Variants in FAAP20 observed in about 807,000 individuals in gnomAD.
The protein encoded by FAAP20 is FA core complex associated protein 20.
FAAP20 carries 12 observed loss-of-function variants against 16.2 expected under a neutral mutation model. That is an observed-to-expected ratio of 0.74 (90% confidence interval 0.48 to 1.20). The LOEUF (loss-of-function observed/expected upper bound fraction) is 1.20, where lower values mean the gene tolerates loss of function less well. Ranked by LOEUF, FAAP20 falls within the 50% of genes most tolerant of loss-of-function variation. The pLI is 0.00. For synonymous variants in FAAP20, 141 were observed against 110.7 expected (o/e 1.27, Z -1.72); for missense variants, 288 against 245.8 (o/e 1.17, Z -1.15).
At chr1:2,212,672 G>T, upstream of FAAP20, 2 of 287,966 alleles carry the variant, frequency 6.9e-6, no homozygotes, top group Non-Finnish European at 1.4e-5. Context: ...ACCCAAAAGG[G>T]TGTAAGTTCC....
upstream of FAAP20, chr1:2,201,175 C>G (rs1689033256): frequency 7.9e-7 from 1 of 1,261,290 alleles, no homozygotes; most frequent in Admixed American, 2.4e-5. Context: ...ACGTGCAGAC[C>G]TTCACAGAGG....
chr1:2,193,046 T>C (rs1273274534), intron 3 of FAAP20: 6 of 1,282,948 alleles, frequency 4.7e-6, no homozygotes, highest in Non-Finnish European at 6.2e-6. Context: ...TGCCGCCCAT[T>C]AACTCAACCA....
downstream of FAAP20, chr1:2,185,442 C>G (rs1687444289): frequency 1.4e-6 from 1 of 718,614 alleles, no homozygotes; most frequent in African/African-American, 1.7e-5. Context: ...CCCCACATCT[C>G]AGACGCAACC....
chr1:2,188,960 G>C (rs1279375423), downstream of FAAP20, among the ~76,000 whole-genome samples: 2 of 148,246 alleles, frequency 1.3e-5, no homozygotes, highest in Non-Finnish European at 3.0e-5. Flanking sequence ...AGCCGAAATC[G>C]CGCCACTGCA....
At chr1:2,187,055 A>G (rs992163209), downstream of FAAP20, 13 of 371,902 alleles carry the variant, frequency 3.5e-5, no homozygotes, top group Admixed American at 4.9e-4. Context: ...GTGGTTCTCG[A>G]AAACTCTGGT....
upstream of FAAP20, chr1:2,198,874 TGTG>T (rs1471443897): frequency 7.8e-7 from 1 of 1,289,722 alleles, no homozygotes; most frequent in Admixed American, 2.3e-5. Flanking sequence ...CATAGCCAGA[TGTG>T]GTGGCATTTA....
chr1:2,203,363 C>A, upstream of FAAP20: 3 of 958,808 alleles, frequency 3.1e-6, no homozygotes, highest in Non-Finnish European at 3.7e-6. Context: ...CACCCCTCCG[C>A]AGTCAGGGCC....
upstream of FAAP20, among the ~76,000 whole-genome samples, chr1:2,202,826 C>T (rs1479759599): frequency 1.3e-5 from 2 of 152,152 alleles, no homozygotes; most frequent in Non-Finnish European, 2.9e-5. Flanking sequence ...ATTGTCCAGG[C>T]TGGTCTCGTC....
chr1:2,190,720 A>T, intron 3 of FAAP20: 1 of 319,304 alleles, frequency 3.1e-6, no homozygotes, highest in East Asian at 7.9e-5. Flanking sequence ...TCAGTGTCCC[A>T]TCAGAGTGAC....
chr1:2,190,702 C>G, intron 3 of FAAP20: 1 of 327,066 alleles, frequency 3.1e-6, no homozygotes, highest in South Asian at 2.4e-5. Context: ...TTGCTGGAGG[C>G]CAAGTGGTCA....
downstream of FAAP20, among the ~76,000 whole-genome samples, chr1:2,189,206 G>C (rs1293442035): frequency 6.6e-6 from 1 of 151,344 alleles, no homozygotes; most frequent in African/African-American, 2.4e-5. Context: ...GGTGACGCGC[G>C]CCTGTAGTCC....
intron 3 of FAAP20, chr1:2,193,182 T>C (rs761130807): frequency 2.0e-4 from 69 of 340,946 alleles, no homozygotes; most frequent in Non-Finnish European, 3.4e-4. Context: ...TTAGCAAAAC[T>C]GGGTTCCATT....
chr1:2,205,497 C>T (rs1453163510), intron 3 of FAAP20, among the ~76,000 whole-genome samples: 2 of 151,890 alleles, frequency 1.3e-5, no homozygotes, highest in African/African-American at 2.4e-5. Flanking sequence ...TCTGCGACCT[C>T]CAGGGCGAGC....
intron 3 of FAAP20, chr1:2,192,693 A>G: frequency 8.4e-7 from 1 of 1,189,608 alleles, no homozygotes; most frequent in Non-Finnish European, 1.1e-6. Context: ...ACTTCACTAC[A>G]GCCTCCAATT....
chr1:2,198,430 C>G (rs1350911199), upstream of FAAP20: 1 of 373,682 alleles, frequency 2.7e-6, no homozygotes, highest in Non-Finnish European at 4.9e-6. Context: ...AGAAGCCAGG[C>G]TGGCCGTAGG....
In FAAP20 at chr1:2,189,797, C is replaced by G. The variant is rs1687964015; in HGVS notation, c.471-16G>C. The stretch of plus-strand genomic sequence containing the variant: ...CTGGGTCAGCCTGCAAGGGAGGGGC[C>G]ACACTCACTCGGCCACCTCCGCGGC... On this transcript the variant is annotated splice_polypyrimidine_tract_variant and intron_variant, in intron 3 of 3. Transcript: ENST00000378546. 3.1e-6 allele frequency: 5 copies of G among 1,600,636 alleles called. No individual in the cohort carries two copies. The highest frequency in any genetic ancestry group is 4.3e-6 in the Non-Finnish European group (5 of 1,168,682).
At chr1:2,198,381 T>C, upstream of FAAP20, 1 of 382,280 alleles carries the variant, frequency 2.6e-6, no homozygotes, top group South Asian at 2.2e-5. Flanking sequence ...GACACATTTA[T>C]GGATGATGAA....
downstream of FAAP20, chr1:2,189,490 T>G: frequency 1.7e-6 from 1 of 592,932 alleles, no homozygotes; most frequent in Non-Finnish European, 3.0e-6. Context: ...TGTCTGGTTC[T>G]GATTGCACTG....
downstream of FAAP20, among the ~76,000 whole-genome samples, chr1:2,211,354 C>CA (rs1689431004): frequency 7.5e-6 from 1 of 133,392 alleles, no homozygotes; most frequent in African/African-American, 2.9e-5. Context: ...CTCAGCCTCC[C>CA]AAGTAGCTGG....
Sources: gnomAD v4.1 joint callset for allele counts (sites outside exome capture counted in the v4.1 genomes callset) on GRCh38, gnomAD v4.1.1 for gene constraint, MANE v1.5 for transcripts, NCBI Gene and HGNC (gene_info 2026-07-23, HGNC 2026-07-21) for gene names.